SSPN: variants seen among roughly 807,000 people sequenced by gnomAD.
The protein encoded by SSPN is K-ras oncogene-associated protein.
SSPN carries 15 observed loss-of-function variants against 19.1 expected under a neutral mutation model. The ratio of observed to expected loss-of-function variants is 0.78; its 90% CI spans 0.52 to 1.21. The LOEUF is 1.21. Ranked by LOEUF, SSPN falls within the 50% of genes most tolerant of loss-of-function variation. The pLI, the probability that SSPN is intolerant of heterozygous loss-of-function variation, is 0.00. For synonymous variants in SSPN, 147 were observed against 140.3 expected (o/e 1.05, Z -0.34); for missense variants, 291 against 314.0 (o/e 0.93, Z 0.55).
intron 1 of SSPN, among the ~76,000 whole-genome samples, chr12:26,202,096 C>T (rs920683398): frequency 8.5e-5 from 13 of 152,150 alleles, no homozygotes; most frequent in African/African-American, 2.7e-4. Flanking sequence ...TTCTAGATTA[C>T]TTATAATACC....
chr12:26,183,967 T>G (rs1301393336), intron 1 of SSPN, among the ~76,000 whole-genome samples: 1 of 152,178 alleles, frequency 6.6e-6, no homozygotes, highest in Non-Finnish European at 1.5e-5. Context: ...CCATAAGCCT[T>G]CTAAGGGAGC....
chr12:26,178,083 C>T (rs1034757497), intron 1 of SSPN, among the ~76,000 whole-genome samples: 2 of 152,182 alleles, frequency 1.3e-5, no homozygotes, highest in Non-Finnish European at 2.9e-5. Context: ...TTTTGATGCT[C>T]ACTTAGTAGG....
At chr12:26,123,867 T>C in intron 1 of SSPN, 1 of 800,804 alleles carries the variant, frequency 1.2e-6, no homozygotes, top group South Asian at 1.4e-5. Flanking sequence ...CTTTTACTTC[T>C]TGAGCTTTCC....
At chr12:26,146,239 G>A (rs1373041080) in intron 1 of SSPN, among the ~76,000 whole-genome samples, 1 of 152,174 alleles carries the variant, frequency 6.6e-6, no homozygotes, top group Non-Finnish European at 1.5e-5. Flanking sequence ...TGCCGAGGCA[G>A]ATGGCCTGAG....
At chr12:26,122,117 C>T (rs1427117115) in exon 1 of SSPN, 3 of 1,549,228 alleles carry the variant, frequency 1.9e-6, no homozygotes, top group Non-Finnish European at 1.7e-6. Flanking sequence ...CAGAGCTCTC[C>T]GGGTTCCCCG....
chr12:26,124,935 G>A lies in SSPN; in HGVS notation c.-31+2783G>A, dbSNP rs191728199. ...GCAGTGTTGAAAGTGTGAAGCAGTT[G>A]GTCCCCCCCCTCCACCGCGCTCGCA... On this transcript the variant is annotated intron_variant, in intron 1 of 2. Coordinates refer to the SSPN transcript ENST00000538142. 595 of 780,396 alleles carry A rather than the reference G, an allele frequency of 7.6e-4. 6 individuals are homozygous for A. In the African/African-American group the frequency reaches 9.3e-3, roughly 12 times the overall value. The allele number at this position is 780,396 out of a possible 1,614,324, so 48.3% of individuals were successfully genotyped here. A position where few individuals can be genotyped will look rare whatever the true frequency, so the allele number is the denominator to read the frequency against.
intron 1 of SSPN, among the ~76,000 whole-genome samples, chr12:26,204,811 C>G (rs1189078498): frequency 6.6e-6 from 1 of 152,178 alleles, no homozygotes; most frequent in Non-Finnish European, 1.5e-5. Context: ...CCAAGCCACC[C>G]AAGAGGGAAA....
At chr12:26,147,047 A>G (rs1049574127) in intron 1 of SSPN, among the ~76,000 whole-genome samples, 3 of 152,112 alleles carry the variant, frequency 2.0e-5, no homozygotes, top group Non-Finnish European at 4.4e-5. Context: ...CAAAGATTTC[A>G]GGTTGGTAGG....
chr12:26,201,641 A>T (rs1479428523), intron 1 of SSPN, among the ~76,000 whole-genome samples: 1 of 151,684 alleles, frequency 6.6e-6, no homozygotes, highest in African/African-American at 2.4e-5. Flanking sequence ...AGGTTCTAAT[A>T]TTTTTTTTAA....
intron 1 of SSPN, among the ~76,000 whole-genome samples, chr12:26,216,028 A>G (rs1945044658): frequency 6.6e-6 from 1 of 152,246 alleles, no homozygotes; most frequent in South Asian, 2.1e-4. Context: ...TCTTGAGATG[A>G]TTAAATGCAA....
intron 1 of SSPN, among the ~76,000 whole-genome samples, chr12:26,222,662 G>A (rs939865129): frequency 6.6e-6 from 1 of 152,196 alleles, no homozygotes; most frequent in Non-Finnish European, 1.5e-5. Context: ...CTTTATCAAT[G>A]TTTTAAGCTT....
At chr12:26,162,186 G>A (rs890007883) in intron 1 of SSPN, among the ~76,000 whole-genome samples, 3 of 152,048 alleles carry the variant, frequency 2.0e-5, no homozygotes, top group South Asian at 2.1e-4. Context: ...TGTTGCTATC[G>A]AATTTGATCA....
At chr12:26,131,240 A>T (rs1011705765) in intron 1 of SSPN, among the ~76,000 whole-genome samples, 2 of 152,246 alleles carry the variant, frequency 1.3e-5, no homozygotes, top group African/African-American at 4.8e-5. Context: ...CTAACTCCTT[A>T]AGCACATGGT....
chr12:26,178,676 C>T (rs944855050), intron 1 of SSPN, among the ~76,000 whole-genome samples: 1 of 152,154 alleles, frequency 6.6e-6, no homozygotes, highest in Admixed American at 6.5e-5. Flanking sequence ...GGTGCAGACA[C>T]GTGCCTCAGC....
intron 1 of SSPN, among the ~76,000 whole-genome samples, chr12:26,148,566 A>G (rs1256707250): frequency 6.6e-6 from 1 of 152,110 alleles, no homozygotes; most frequent in Non-Finnish European, 1.5e-5. Context: ...CCTCTACTTA[A>G]CGTTTTACGA....
At chr12:26,122,892 C>T (rs1420793854) in intron 1 of SSPN, 1 of 1,550,602 alleles carries the variant, frequency 6.4e-7, no homozygotes, top group Non-Finnish European at 8.7e-7. Context: ...CAGCTTCTGC[C>T]CCGCGCGCTC....
intron 1 of SSPN, among the ~76,000 whole-genome samples, chr12:26,163,032 C>CGTGTGTGTGTGTGT (rs138827156): frequency 3.0e-4 from 44 of 146,062 alleles, no homozygotes; most frequent in South Asian, 2.8e-3. Flanking sequence ...TGCTTCAAGA[C>CGTGTGTGTGTGTGT]GTGTGTGTGT....
chr12:26,135,858 G>A (rs949155344), intron 1 of SSPN, among the ~76,000 whole-genome samples: 12 of 152,120 alleles, frequency 7.9e-5, no homozygotes, highest in Admixed American at 7.9e-4. Context: ...AGTCAATTTT[G>A]TCATTGGATA....
intron 1 of SSPN, chr12:26,181,041 C>T (rs1202808669): frequency 6.6e-6 from 1 of 152,230 alleles, no homozygotes; most frequent in Non-Finnish European, 1.5e-5. Flanking sequence ...TGTTAGAGGA[C>T]AAGAAGCAGG....
Sources: allele counts gnomAD v4.1 joint callset (sites outside exome capture counted in the v4.1 genomes callset), GRCh38; gene constraint gnomAD v4.1.1; transcripts MANE v1.5; gene names NCBI Gene and HGNC (gene_info 2026-07-23, HGNC 2026-07-21).